UBN2: variants seen among roughly 807,000 people sequenced by gnomAD.
UBN2 encodes ubinuclein 2.
A neutral mutation model predicts 120.2 loss-of-function variants in UBN2; 35 were observed. The ratio of observed to expected loss-of-function variants is 0.29; its 90% CI spans 0.22 to 0.39. The LOEUF is 0.39. UBN2 is among the 10% of genes least tolerant of loss of function. The pLI is 1.00. For missense variants in UBN2, 1,693 were observed against 1,663.2 expected, an observed-to-expected ratio of 1.02 and a Z score of -0.31; for synonymous variants, 661 against 648.7, an observed-to-expected ratio of 1.02 and a Z score of -0.29.
At chr7:139,250,249 T>C (rs973382457) in intron 2 of UBN2, among the ~76,000 whole-genome samples, 5 of 152,068 alleles carry the variant, frequency 3.3e-5, no homozygotes, top group Non-Finnish European at 7.4e-5. Context: ...TTTTTTCTTT[T>C]GGAGACAGAG....
rs1257091882 is a variant in UBN2, at chr7:139,300,439, T to C, written c.*2603T>C. The stretch of plus-strand genomic sequence containing the variant: ...AACATTGAAAAAGGTGCCCATACTT[T>C]ATGGTCACCTGTCTTTACCGTTTTT... On this transcript the variant is annotated 3_prime_UTR_variant, in exon 18 of 18. Coordinates refer to ENST00000473989, the MANE Select transcript of UBN2 (RefSeq NM_173569.4). 1.3e-5 allele frequency: 2 copies of C among 152,238 alleles called. No homozygotes were observed. Among genetic ancestry groups the C allele is most frequent in the Admixed American group, 6.5e-5 (1 of 15,276 alleles). 9.4% of individuals were successfully genotyped at this position (152,238 alleles called of 1,614,324 possible). A position where few individuals can be genotyped will look rare whatever the true frequency, so the allele number is the denominator to read the frequency against.
intron 8 of UBN2, among the ~76,000 whole-genome samples, chr7:139,271,882 C>T (rs964907657): frequency 1.3e-5 from 2 of 152,146 alleles, no homozygotes; most frequent in Non-Finnish European, 2.9e-5. Context: ...TACCAACGTC[C>T]GGTTGGTAGT....
At chr7:139,276,381 A>G in intron 12 of UBN2, 1 of 497,890 alleles carries the variant, frequency 2.0e-6, no homozygotes, top group Non-Finnish European at 3.6e-6. Context: ...GTAGTAGGGA[A>G]GCATGAAGGC....
intron 15 of UBN2, among the ~76,000 whole-genome samples, chr7:139,292,228 C>T (rs1034070488): frequency 2.6e-5 from 4 of 151,892 alleles, no homozygotes; most frequent in Non-Finnish European, 5.9e-5. Flanking sequence ...TGCACTCCAG[C>T]GTGGGCAACA....
chr7:139,325,489 G>A, the UBN2 span, among the ~76,000 whole-genome samples: 1 of 151,936 alleles, frequency 6.6e-6, no homozygotes, highest in Non-Finnish European at 1.5e-5. Flanking sequence ...GGCTAGTCTC[G>A]AACCCTTGAC....
At chr7:139,290,582 T>C (rs1487450841) in intron 15 of UBN2, among the ~76,000 whole-genome samples, 1 of 152,234 alleles carries the variant, frequency 6.6e-6, no homozygotes, top group African/African-American at 2.4e-5. Flanking sequence ...GGGGAACCCA[T>C]TGGAGAAGAT....
rs1233309692 is a variant in UBN2, at chr7:139,231,721, C to T, written c.237C>T (p.Arg79=). The T allele has an allele frequency of 5.9e-6, 7 of 1,182,972 alleles. No homozygotes were observed. The highest frequency in any genetic ancestry group is 3.4e-4 in the Middle Eastern group (1 of 2,922). 73.3% of individuals were successfully genotyped at this position (1,182,972 alleles called of 1,614,324 possible). Residue 79 remains arginine, a synonymous_variant, in exon 1 of 18, where the codon CGC becomes CGT. Coordinates refer to ENST00000473989, the MANE Select transcript of UBN2 (RefSeq NM_173569.4). ...CGCTCCCCCAGCGCGAGGTCAGCCG[C>T]GCCGAGCCGCCCATGTCGCTGCAGC... The part of the protein sequence containing the change: ...EKPLPQREVS[R]AEPPMSLQRE...
the UBN2 span, among the ~76,000 whole-genome samples, chr7:139,321,816 G>T: frequency 6.6e-6 from 1 of 152,134 alleles, no homozygotes; most frequent in South Asian, 2.1e-4. Context: ...ACAGCAGCAG[G>T]CCAGGGACAG....
At chr7:139,243,798 T>G (rs1489837047) in intron 2 of UBN2, among the ~76,000 whole-genome samples, 1 of 152,162 alleles carries the variant, frequency 6.6e-6, no homozygotes, top group Non-Finnish European at 1.5e-5. Context: ...GGCAAAAATC[T>G]ATTTATAAGT....
chr7:139,272,446 T>C lies in UBN2; in HGVS notation c.1715+6T>C, dbSNP rs1285865999. On this transcript the variant is annotated splice_donor_region_variant and intron_variant, in intron 9 of 17. Coordinates refer to ENST00000473989, the MANE Select transcript of UBN2 (RefSeq NM_173569.4). Reference sequence around the variant, plus strand: ...AGTCAAGCTAAGTGTGCCAAGTATGTATCTCTTCTATTTGGACTGGCTTTT... The same window carrying C: ...AGTCAAGCTAAGTGTGCCAAGTATGCATCTCTTCTATTTGGACTGGCTTTT... 1 of 1,601,638 alleles carries C rather than the reference T, an allele frequency of 6.2e-7. No homozygotes were observed. Among genetic ancestry groups the C allele is most frequent in the Non-Finnish European group, 8.5e-7 (1 of 1,172,842 alleles).
the UBN2 span, among the ~76,000 whole-genome samples, chr7:139,321,124 C>T: frequency 2.0e-5 from 3 of 152,192 alleles, no homozygotes; most frequent in Non-Finnish European, 4.4e-5. Context: ...GAGAACAAAA[C>T]ATTAGGTGCC....
intron 2 of UBN2, among the ~76,000 whole-genome samples, chr7:139,239,301 T>C (rs1796248774): frequency 6.6e-6 from 1 of 152,164 alleles, no homozygotes; most frequent in South Asian, 2.1e-4. Flanking sequence ...GGCTGCATGC[T>C]GTTTCATTGC....
intron 2 of UBN2, among the ~76,000 whole-genome samples, chr7:139,238,336 A>G (rs1796219324): frequency 6.6e-6 from 1 of 152,162 alleles, no homozygotes; most frequent in African/African-American, 2.4e-5. Context: ...ATGAGAATAG[A>G]TTGGAATTGG....
chr7:139,316,763 G>A, the UBN2 span, among the ~76,000 whole-genome samples: 3 of 150,432 alleles, frequency 2.0e-5, no homozygotes, highest in Non-Finnish European at 4.4e-5. Flanking sequence ...AAAAAATTAT[G>A]TATGTGTGTG....
the UBN2 span, among the ~76,000 whole-genome samples, chr7:139,321,769 G>A: frequency 2.0e-5 from 3 of 152,150 alleles, no homozygotes; most frequent in Non-Finnish European, 2.9e-5. Context: ...TCAACTCATG[G>A]AGTGAAACCT....
chr7:139,321,783 C>T, the UBN2 span, among the ~76,000 whole-genome samples: 1 of 152,106 alleles, frequency 6.6e-6, no homozygotes, highest in African/African-American at 2.4e-5. Flanking sequence ...GAAACCTGAC[C>T]TTCCTTCCCC....
rs2131075961 is a variant in UBN2, at chr7:139,297,705, T to C, written c.3995-82T>C. The C allele has an allele frequency of 3.9e-6, 5 of 1,277,908 alleles. 1 individual carries two copies. In the South Asian group the frequency reaches 6.2e-5, roughly 16 times the overall value. 79.2% of individuals were successfully genotyped at this position (1,277,908 alleles called of 1,614,324 possible). On this transcript the variant is annotated intron_variant, in intron 17 of 17. Coordinates refer to ENST00000473989, the MANE Select transcript of UBN2 (RefSeq NM_173569.4). ...GATGTCATCCACAAAAGATAAAAGT[T>C]AATTGTTGTTTTTGCTTTGTTTTTG...
rs773382013 is a variant in UBN2 at position 139,258,622 on chromosome 7, C to T, written c.798C>T (p.Pro266=). The change falls in exon 4 of 18, where the codon CCC becomes CCT. Residue 266 remains proline (P), a synonymous_variant. Transcript: ENST00000473989. ...CAGACAACCAAAAGCACAAGCCACCCAAGGTGAGTTTATCAAACATTGCAA... is the reference window on the plus strand; with the variant it reads ...CAGACAACCAAAAGCACAAGCCACCTAAGGTGAGTTTATCAAACATTGCAA... ...DITDNQKHKP[P]KVPKIKEDDI... is the part of the protein sequence containing the mutation. The T allele has an allele frequency of 5.7e-6, 9 of 1,591,232 alleles. No homozygotes were observed. Among genetic ancestry groups the T allele is most frequent in the African/African-American group, 2.7e-5 (2 of 74,076 alleles).
At chr7:139,310,688 G>T (rs746280281), downstream of UBN2, among the ~76,000 whole-genome samples, 1 of 152,156 alleles carries the variant, frequency 6.6e-6, no homozygotes, top group Non-Finnish European at 1.5e-5. Context: ...CAGGAGAATC[G>T]CTTGCACCTA....
Sources: gnomAD v4.1 joint callset for allele counts (sites outside exome capture counted in the v4.1 genomes callset) on GRCh38, gnomAD v4.1.1 for gene constraint, MANE v1.5 for transcripts, NCBI Gene and HGNC (gene_info 2026-07-23, HGNC 2026-07-21) for gene names.